The following TOPAZ1 variants were observed in gnomAD, a reference collection of about 807,000 sequenced individuals.
TOPAZ1 encodes the protein testis and ovary specific TOPAZ 1, also known as protein TOPAZ1.
TOPAZ1 carries 66 observed loss-of-function variants against 172.2 expected under a neutral mutation model. The ratio of observed to expected loss-of-function variants is 0.38; its 90% CI spans 0.31 to 0.47. TOPAZ1 has a LOEUF of 0.47. Ranked by LOEUF, TOPAZ1 falls within the 20% of genes least tolerant of loss-of-function variation. The pLI, the probability that TOPAZ1 is intolerant of heterozygous loss-of-function variation, is 0.99. For synonymous variants in TOPAZ1, 681 were observed against 683.9 expected (o/e 1.00, Z 0.07); for missense variants, 1,822 against 1,972.4 (o/e 0.92, Z 1.44).
chr3:44,264,942 T>A (rs958882921), intron 5 of TOPAZ1, among the ~76,000 whole-genome samples: 14 of 152,210 alleles, frequency 9.2e-5, no homozygotes, highest in African/African-American at 4.8e-5. Flanking sequence ...CTAGTTTTCT[T>A]GCTATGTCCT....
At chr3:44,272,424 T>C (rs1426823604) in intron 8 of TOPAZ1, among the ~76,000 whole-genome samples, 1 of 152,256 alleles carries the variant, frequency 6.6e-6, no homozygotes, top group Non-Finnish European at 1.5e-5. Flanking sequence ...GTTTGTCTTT[T>C]TGATAATAGC....
Position 44,321,321 on chromosome 3 carries a change from T to C in TOPAZ1, c.4471+130T>C, listed in dbSNP as rs568943196. On this transcript the variant is annotated intron_variant, in intron 17 of 19. Coordinates refer to ENST00000309765, the MANE Select transcript of TOPAZ1 (RefSeq NM_001145030.2). Reference sequence around the variant, plus strand: ...CATATTTTTTAATGAAGTAGTTTTCTGTAAAATATGTTCTCTGCAAATTGA... The same window carrying C: ...CATATTTTTTAATGAAGTAGTTTTCCGTAAAATATGTTCTCTGCAAATTGA... The C allele has an allele frequency of 1.4e-5, 9 of 629,884 alleles. No individual in the cohort carries two copies. The East Asian group carries it at 2.6e-4, about 18-fold the overall frequency. The allele number at this position is 629,884 out of a possible 1,614,324, so 39.0% of individuals were successfully genotyped here. A position where few individuals can be genotyped will look rare whatever the true frequency, so the allele number is the denominator to read the frequency against.
intron 7 of TOPAZ1, among the ~76,000 whole-genome samples, chr3:44,270,171 G>T (rs757291944): frequency 6.6e-6 from 1 of 152,164 alleles, no homozygotes; most frequent in Non-Finnish European, 1.5e-5. Flanking sequence ...TCTGTCATTT[G>T]CCTTGTTCTA....
intron 5 of TOPAZ1, among the ~76,000 whole-genome samples, chr3:44,264,342 T>G (rs1267416804): frequency 4.4e-5 from 3 of 67,508 alleles, no homozygotes; most frequent in East Asian, 2.0e-4. Context: ...CATATGAATT[T>G]TTTTGTTTCC....
chr3:44,311,358 C>T (rs1700396115), intron 16 of TOPAZ1, among the ~76,000 whole-genome samples: 1 of 152,056 alleles, frequency 6.6e-6, no homozygotes, highest in Admixed American at 6.6e-5. Context: ...AGCTCACAAG[C>T]TCTGTGAAGA....
chr3:44,261,906 T>C (rs923663185), intron 4 of TOPAZ1, among the ~76,000 whole-genome samples: 1 of 152,194 alleles, frequency 6.6e-6, no homozygotes, highest in African/African-American at 2.4e-5. Flanking sequence ...TATTTTATTC[T>C]TTTAGTGGAT....
intron 4 of TOPAZ1, among the ~76,000 whole-genome samples, chr3:44,257,350 GGGGTGTGT>G (rs1699718539): frequency 1.4e-5 from 1 of 72,466 alleles, no homozygotes; most frequent in African/African-American, 5.7e-5. Context: ...AGAAAACATA[GGGGTGTGT>G]GTGTGTGTGT....
Position 44,245,002 on chromosome 3 carries a change from G to A in TOPAZ1, c.2496G>A (p.Val832=), listed in dbSNP as rs753838971. 2.3e-5 allele frequency: 35 copies of A among 1,551,584 alleles called. No homozygotes were observed. The highest frequency in any genetic ancestry group is 2.5e-5 in the Non-Finnish European group (29 of 1,147,016). The part of the protein sequence containing the change: ...CCNEQETFRP[V]SSEVRGRKIT... ...ATGAACAAGAAACATTCCGACCAGTGTCCAGTGAAGTTAGGGGTAGAAAAA... is the reference window on the plus strand; with the variant it reads ...ATGAACAAGAAACATTCCGACCAGTATCCAGTGAAGTTAGGGGTAGAAAAA... The change falls in exon 2 of 20, where the codon GTG becomes GTA. Residue 832 remains valine, a synonymous_variant. Coordinates refer to ENST00000309765, the MANE Select transcript of TOPAZ1 (RefSeq NM_001145030.2).
intron 8 of TOPAZ1, among the ~76,000 whole-genome samples, chr3:44,272,368 A>G (rs1699907863): frequency 6.6e-6 from 1 of 152,226 alleles, no homozygotes; most frequent in South Asian, 2.1e-4. Flanking sequence ...CACCAACAGT[A>G]TACAAAGATT....
At chr3:44,245,357 T>C in intron 2 of TOPAZ1, 86 bp downstream of exon 2, 12 of 1,293,954 alleles carry the variant, frequency 9.3e-6, no homozygotes, top group Non-Finnish European at 1.2e-5. Context: ...TATTCAGTGA[T>C]ATTGAAGCTC....
chr3:44,291,550 G>A (rs1375992047), intron 12 of TOPAZ1, among the ~76,000 whole-genome samples: 14 of 151,464 alleles, frequency 9.2e-5, no homozygotes, highest in African/African-American at 2.9e-4. Flanking sequence ...GCAGTGAGCC[G>A]AGATCGCACC....
chr3:44,282,853 A>T (rs1180312327), intron 9 of TOPAZ1, among the ~76,000 whole-genome samples: 2 of 152,200 alleles, frequency 1.3e-5, no homozygotes, highest in African/African-American at 4.8e-5. Flanking sequence ...TAAAGGAAAC[A>T]CCTAATGGAA....
At chr3:44,246,733 ATCT>A (rs1699571468) in intron 2 of TOPAZ1, among the ~76,000 whole-genome samples, 1 of 152,172 alleles carries the variant, frequency 6.6e-6, no homozygotes, top group South Asian at 2.1e-4. Context: ...TGGTTTTTGA[ATCT>A]TCTTGTTACC....
chr3:44,306,711 A>C (rs1013400693), intron 15 of TOPAZ1, among the ~76,000 whole-genome samples: 1 of 152,206 alleles, frequency 6.6e-6, no homozygotes, highest in African/African-American at 2.4e-5. Flanking sequence ...ATCTTTAAAA[A>C]ATAATTTTTA....
intron 17 of TOPAZ1, among the ~76,000 whole-genome samples, chr3:44,322,073 T>C (rs1229581948): frequency 2.6e-5 from 4 of 152,180 alleles, no homozygotes; most frequent in African/African-American, 9.7e-5. Context: ...ATGAAATTGG[T>C]GTTTCAGGAA....
intron 8 of TOPAZ1, among the ~76,000 whole-genome samples, chr3:44,271,748 T>C (rs1699901534): frequency 1.3e-5 from 2 of 152,170 alleles, no homozygotes; most frequent in African/African-American, 4.8e-5. Flanking sequence ...CTATCTTTTT[T>C]TGTGGCAAGA....
In TOPAZ1 at chr3:44,242,383, G is replaced by A. The variant is rs1380126545; in HGVS notation, c.330G>A (p.Leu110=). The A allele has an allele frequency of 7.1e-6, 11 of 1,552,358 alleles. No individual in the cohort carries two copies. The highest frequency in any genetic ancestry group is 9.6e-6 in the Non-Finnish European group (11 of 1,147,136). ...CAGCAAAGGAGGCTGAACTCCCCTTGCAAACGGAAAGACACAGTAAGAAAG... is the reference window on the plus strand; with the variant it reads ...CAGCAAAGGAGGCTGAACTCCCCTTACAAACGGAAAGACACAGTAAGAAAG... ...LEAAKEAELP[L]QTERHTKEKR... The change falls in exon 1 of 20, where the codon TTG becomes TTA. Residue 110 remains leucine (L), a synonymous_variant. Coordinates refer to ENST00000309765, the MANE Select transcript of TOPAZ1 (RefSeq NM_001145030.2).
chr3:44,276,736 A>G (rs188189408), intron 8 of TOPAZ1, among the ~76,000 whole-genome samples: 269 of 143,488 alleles, frequency 1.9e-3, no homozygotes, highest in African/African-American at 6.6e-3. Flanking sequence ...GAAAAATGAC[A>G]TTGGTATTTT....
chr3:44,322,318 A>G (rs969752758), intron 17 of TOPAZ1, among the ~76,000 whole-genome samples: 2 of 152,166 alleles, frequency 1.3e-5, no homozygotes, highest in African/African-American at 4.8e-5. Context: ...TTGGCAGTAA[A>G]TATTTATTAG....
Sources: allele counts gnomAD v4.1 joint callset (sites outside exome capture counted in the v4.1 genomes callset), GRCh38; gene constraint gnomAD v4.1.1; transcripts MANE v1.5; gene names NCBI Gene and HGNC (gene_info 2026-07-23, HGNC 2026-07-21).